Variants in PLPP4 observed in about 807,000 individuals in gnomAD.
PLPP4 encodes the protein phospholipid phosphatase 4.
Under a neutral mutation model 32.2 loss-of-function variants are expected in PLPP4, and 20 were observed. The observed-to-expected ratio is 0.62, with a 90% CI of 0.44 to 0.90. The LOEUF is 0.90. Ranked by LOEUF, PLPP4 falls within the 40% of genes least tolerant of loss-of-function variation. The pLI, the probability that PLPP4 is intolerant of heterozygous loss-of-function variation, is 0.00. For synonymous variants in PLPP4, 127 were observed against 133.0 expected, an observed-to-expected ratio of 0.95 and a Z score of 0.31; for missense variants, 257 against 353.1, an observed-to-expected ratio of 0.73 and a Z score of 2.18.
chr10:120,477,553 C>G (rs1175926035), intron 1 of PLPP4, among the ~76,000 whole-genome samples: 1 of 152,130 alleles, frequency 6.6e-6, no homozygotes, highest in Non-Finnish European at 1.5e-5. Context: ...GAAAGCAGCT[C>G]TTGGTCTGGA....
At chr10:120,461,646 G>C (rs1330226114) in intron 1 of PLPP4, among the ~76,000 whole-genome samples, 1 of 152,232 alleles carries the variant, frequency 6.6e-6, no homozygotes, top group African/African-American at 2.4e-5. Context: ...AGGCACAGGG[G>C]ATGAGAGGAG....
chr10:120,560,869 C>A lies in PLPP4; in HGVS notation c.446-14262C>A, dbSNP rs190296491. Among the ~76,000 whole-genome samples the A allele has an allele frequency of 3.4e-3, 511 of 152,234 alleles. 4 individuals carry two copies. Among genetic ancestry groups the A allele is most frequent in the Non-Finnish European group, 4.5e-3 (303 of 68,024 alleles). ...ATTGACCATTTGTGTTATCAGCAAG[C>A]CTTCTGGTCAACAAGTAGGCTAGTA... On this transcript the variant is annotated intron_variant, in intron 5 of 6. Transcript: ENST00000398250.
chr10:120,564,314 AT>A (rs1157103477), intron 5 of PLPP4, among the ~76,000 whole-genome samples: 2 of 152,014 alleles, frequency 1.3e-5, no homozygotes, highest in African/African-American at 4.8e-5. Context: ...ATTCAATTGC[AT>A]TATGGTCAGA....
chr10:120,458,044 A>G (rs1847873960), intron 1 of PLPP4, among the ~76,000 whole-genome samples: 1 of 152,170 alleles, frequency 6.6e-6, no homozygotes, highest in Non-Finnish European at 1.5e-5. Context: ...CACTGAGAAC[A>G]GCGATCCCGA....
chr10:120,488,129 G>A (rs928809324), intron 1 of PLPP4, among the ~76,000 whole-genome samples: 1 of 152,198 alleles, frequency 6.6e-6, no homozygotes, highest in Non-Finnish European at 1.5e-5. Flanking sequence ...GAGGGAAGAG[G>A]AGCTTGGGGA....
intron 5 of PLPP4, among the ~76,000 whole-genome samples, chr10:120,561,169 C>T (rs544616891): frequency 7.9e-5 from 12 of 152,286 alleles, no homozygotes; most frequent in East Asian, 7.7e-4. Flanking sequence ...ACCAAGTTCT[C>T]AATGTTAAAG....
intron 5 of PLPP4, among the ~76,000 whole-genome samples, chr10:120,542,889 G>T (rs1396667838): frequency 6.6e-6 from 1 of 152,218 alleles, no homozygotes; most frequent in Non-Finnish European, 1.5e-5. Context: ...GCAACATGTA[G>T]TGGGATGAGG....
chr10:120,552,832 C>G (rs533078314), intron 5 of PLPP4, among the ~76,000 whole-genome samples: 2 of 152,200 alleles, frequency 1.3e-5, no homozygotes, highest in African/African-American at 4.8e-5. Flanking sequence ...CTGATTTACA[C>G]AACTCTTCAA....
intron 6 of PLPP4, chr10:120,580,765 A>G: frequency 1.5e-6 from 1 of 675,494 alleles, no homozygotes; most frequent in East Asian, 6.7e-5. Flanking sequence ...AGTGACTTGA[A>G]AAAGATCCCT....
chr10:120,539,861 G>A (rs1386095994), intron 5 of PLPP4, among the ~76,000 whole-genome samples: 1 of 151,904 alleles, frequency 6.6e-6, no homozygotes, highest in Non-Finnish European at 1.5e-5. Context: ...TTACTATTAG[G>A]TTGGTGCAAA....
chr10:120,525,887 T>C (rs1244321108), intron 5 of PLPP4, among the ~76,000 whole-genome samples: 3 of 152,172 alleles, frequency 2.0e-5, no homozygotes, highest in South Asian at 2.1e-4. Context: ...TCCACAATGA[T>C]GTACCTTACC....
chr10:120,524,874 G>C (rs1237237914), intron 5 of PLPP4, among the ~76,000 whole-genome samples: 1 of 152,220 alleles, frequency 6.6e-6, no homozygotes, highest in Non-Finnish European at 1.5e-5. Context: ...TTGTCTCTCA[G>C]AGCGTAATCC....
At chr10:120,462,290 G>A (rs940528133) in intron 1 of PLPP4, among the ~76,000 whole-genome samples, 2 of 152,160 alleles carry the variant, frequency 1.3e-5, no homozygotes, top group African/African-American at 4.8e-5. Flanking sequence ...TGGCCTCAGG[G>A]CCCTGCAGGG....
chr10:120,487,598 C>T (rs1338519709), intron 1 of PLPP4, among the ~76,000 whole-genome samples: 1 of 152,046 alleles, frequency 6.6e-6, no homozygotes, highest in East Asian at 1.9e-4. Context: ...GACAAGATAA[C>T]CTTATAGGGT....
Position 120,514,775 on chromosome 10 carries a change from G to A in PLPP4, c.256+774G>A, listed in dbSNP as rs1294846831. 2.0e-5 allele frequency among the ~76,000 whole-genome samples: 3 copies of A among 152,146 alleles called. No individual in the cohort carries two copies. In the East Asian group the frequency reaches 5.8e-4, roughly 29 times the overall value. ...CAGGTTTTCAGCTTTTTGACCGTGA[G>A]AAAAACCAAATCAGGTTGATTTTTT... is the stretch of plus-strand genomic sequence containing the variant. On this transcript the variant is annotated intron_variant, in intron 3 of 6. Transcript: ENST00000398250.
At chr10:120,506,809 G>C (rs1321567580) in intron 2 of PLPP4, among the ~76,000 whole-genome samples, 1 of 152,214 alleles carries the variant, frequency 6.6e-6, no homozygotes, top group Non-Finnish European at 1.5e-5. Context: ...CATTAGCTCA[G>C]GTGATGTCTG....
rs75278866 is a variant in PLPP4 at position 120,549,768 on chromosome 10, A to G, written c.446-25363A>G. On this transcript the variant is annotated intron_variant, in intron 5 of 6. Transcript: ENST00000398250. ...AAAAATCATATAATCATCTCAATAGATGTGGAAAAAGCAACACTTATGCAT... is the reference window on the plus strand; with the variant it reads ...AAAAATCATATAATCATCTCAATAGGTGTGGAAAAAGCAACACTTATGCAT... 4.6e-3 allele frequency among the ~76,000 whole-genome samples: 699 copies of G among 152,090 alleles called. 12 individuals are homozygous for G. Among genetic ancestry groups the G allele is most frequent in the African/African-American group, 0.016 (657 of 41,560 alleles).
At chr10:120,508,309 G>A (rs1845590357) in intron 2 of PLPP4, among the ~76,000 whole-genome samples, 1 of 152,014 alleles carries the variant, frequency 6.6e-6, no homozygotes, top group Non-Finnish European at 1.5e-5. Flanking sequence ...CCCAGAGCAG[G>A]GCCTTTTCCA....
chr10:120,538,646 G>C (rs1454333790), intron 5 of PLPP4, among the ~76,000 whole-genome samples: 1 of 152,088 alleles, frequency 6.6e-6, no homozygotes, highest in Non-Finnish European at 1.5e-5. Flanking sequence ...TCTGGCTCCT[G>C]CTGTCTCTTC....
Sources: gnomAD v4.1 joint callset for allele counts (sites outside exome capture counted in the v4.1 genomes callset) on GRCh38, gnomAD v4.1.1 for gene constraint, MANE v1.5 for transcripts, NCBI Gene and HGNC (gene_info 2026-07-23, HGNC 2026-07-21) for gene names.